AUTS2: variants seen among roughly 807,000 people sequenced by gnomAD.
The protein encoded by AUTS2 is activator of transcription and developmental regulator AUTS2.
A neutral mutation model predicts 112.4 loss-of-function variants in AUTS2; 17 were observed. The ratio of observed to expected loss-of-function variants is 0.15; its 90% confidence interval spans 0.10 to 0.23. The LOEUF (loss-of-function observed/expected upper bound fraction) is 0.23, where lower values mean the gene tolerates loss of function less well. AUTS2 is among the 10% of genes least tolerant of loss of function. AUTS2 has a pLI of 1.00. For missense variants in AUTS2, 1,510 were observed against 1,701.6 expected, an observed-to-expected ratio of 0.89 and a Z score of 1.98; for synonymous variants, 751 against 702.7, an observed-to-expected ratio of 1.07 and a Z score of -1.09.
chr7:70,208,380 TG>T (rs1417322193), intron 4 of AUTS2, among the ~76,000 whole-genome samples: 1 of 152,164 alleles, frequency 6.6e-6, no homozygotes, highest in African/African-American at 2.4e-5. Flanking sequence ...CTGAAAATTA[TG>T]GGATAGTCTT....
intron 4 of AUTS2, among the ~76,000 whole-genome samples, chr7:70,294,820 G>A (rs150435133): frequency 6.6e-4 from 100 of 152,258 alleles, no homozygotes; most frequent in Non-Finnish European, 9.1e-4. Context: ...TCCCTTCTCC[G>A]TTAAATAGGA....
At chr7:70,779,442 A>G (rs1790920832) in intron 14 of AUTS2, among the ~76,000 whole-genome samples, 1 of 152,190 alleles carries the variant, frequency 6.6e-6, no homozygotes, top group Admixed American at 6.5e-5. Flanking sequence ...TTGTGTGTAA[A>G]AAGTGAGGAA....
intron 1 of AUTS2, among the ~76,000 whole-genome samples, chr7:69,861,485 C>T (rs1342471415): frequency 2.6e-5 from 4 of 152,014 alleles, no homozygotes; most frequent in Admixed American, 2.0e-4. Context: ...AGCAGTGCCC[C>T]ACTGCTTTTG....
At chr7:69,602,040 ATGTGTGTGTGTGTGTGTGTG>A (rs6150156) in intron 1 of AUTS2, among the ~76,000 whole-genome samples, 150 of 46,258 alleles carry the variant, frequency 3.2e-3, no homozygotes, top group African/African-American at 4.5e-3. Context: ...ATATATATAT[ATGTGTGTGTGTGTGTGTGTG>A]TGTGTGTGTG....
intron 1 of AUTS2, among the ~76,000 whole-genome samples, chr7:69,768,265 T>C (rs1482058460): frequency 6.6e-6 from 1 of 152,240 alleles, no homozygotes; most frequent in Non-Finnish European, 1.5e-5. Context: ...AATTGAATTC[T>C]TTCAAATGAG....
At chr7:70,724,121 G>C (rs747800948) in intron 6 of AUTS2, among the ~76,000 whole-genome samples, 15 of 152,122 alleles carry the variant, frequency 9.9e-5, no homozygotes, top group Admixed American at 2.0e-4. Flanking sequence ...CAAACTCCTA[G>C]CCTCAGGTGA....
chr7:70,537,541 C>G (rs970705063), intron 5 of AUTS2, among the ~76,000 whole-genome samples: 1 of 152,196 alleles, frequency 6.6e-6, no homozygotes, highest in African/African-American at 2.4e-5. Context: ...CAGCAAGCAG[C>G]TCTCTCCATT....
intron 5 of AUTS2, among the ~76,000 whole-genome samples, chr7:70,495,699 A>G (rs1798438144): frequency 1.1e-5 from 1 of 90,638 alleles, no homozygotes; most frequent in Non-Finnish European, 2.3e-5. Context: ...GTACACAGTC[A>G]CACACACACA....
At chr7:70,116,627 A>C (rs1805370444) in intron 2 of AUTS2, among the ~76,000 whole-genome samples, 1 of 152,062 alleles carries the variant, frequency 6.6e-6, no homozygotes, top group Non-Finnish European at 1.5e-5. Context: ...CCCCAAAGGA[A>C]CTCTGTTTCA....
chr7:70,020,662 TTTC>T (rs1157960387), intron 2 of AUTS2, among the ~76,000 whole-genome samples: 2 of 151,976 alleles, frequency 1.3e-5, no homozygotes, highest in Non-Finnish European at 1.5e-5. Context: ...TAGGACCTTT[TTTC>T]TTCTTTCTTT....
intron 5 of AUTS2, among the ~76,000 whole-genome samples, chr7:70,585,310 G>T (rs144067734): frequency 3.9e-5 from 6 of 152,212 alleles, no homozygotes; most frequent in Non-Finnish European, 7.4e-5. Context: ...GGCTTTCTGC[G>T]GGGCTGCTGG....
chr7:70,119,973 T>C (rs1208993696), intron 3 of AUTS2: 1 of 152,210 alleles, frequency 6.6e-6, no homozygotes, highest in African/African-American at 2.4e-5. Context: ...TTACTAGTAT[T>C]CAGTTTAACG....
intron 1 of AUTS2, among the ~76,000 whole-genome samples, chr7:69,651,486 T>C (rs891323283): frequency 6.6e-6 from 1 of 152,232 alleles, no homozygotes; most frequent in Non-Finnish European, 1.5e-5. Flanking sequence ...TGGACGCACT[T>C]GTTAAATGAG....
intron 3 of AUTS2, among the ~76,000 whole-genome samples, chr7:70,129,784 T>G (rs1397161831): frequency 6.6e-6 from 1 of 152,124 alleles, no homozygotes; most frequent in Admixed American, 6.5e-5. Flanking sequence ...ATAATTGGTG[T>G]TGGAAGTGAC....
In AUTS2 at chr7:70,152,429, AT is replaced by A. The variant is rs60128442; in HGVS notation, c.660+17869del. 7.6e-3 allele frequency among the ~76,000 whole-genome samples: 1,116 copies of A among 147,646 alleles called. 10 individuals are homozygous for A. The highest frequency in any genetic ancestry group is 0.02 in the South Asian group (94 of 4,682). ...GCAGAGGAACAAAGACTGACAGCAG[AT>A]TTTTTTTTTTCTGGAAAAAAAAAAT... On this transcript the variant is annotated intron_variant, in intron 4 of 18. Coordinates refer to ENST00000342771, the MANE Select transcript of AUTS2 (RefSeq NM_015570.4).
intron 5 of AUTS2, among the ~76,000 whole-genome samples, chr7:70,614,686 C>T (rs761911650): frequency 2.6e-5 from 4 of 152,198 alleles, no homozygotes; most frequent in African/African-American, 7.2e-5. Flanking sequence ...TCTGGCGCAT[C>T]AGGGCCTATT....
At chr7:70,179,974 T>C (rs1312285088) in intron 4 of AUTS2, among the ~76,000 whole-genome samples, 1 of 152,158 alleles carries the variant, frequency 6.6e-6, no homozygotes, top group African/African-American at 2.4e-5. Flanking sequence ...CCAGAATAAA[T>C]GATGCTGCTA....
Position 69,845,185 on chromosome 7 carries a change from A to G in AUTS2, c.310-54101A>G, listed in dbSNP as rs1005000754. 4.6e-5 allele frequency among the ~76,000 whole-genome samples: 7 copies of G among 152,318 alleles called. No homozygotes were observed. In the East Asian group the frequency reaches 1.3e-3, roughly 29 times the overall value. On this transcript the variant is annotated intron_variant, in intron 1 of 18. Coordinates refer to ENST00000342771, the MANE Select transcript of AUTS2 (RefSeq NM_015570.4). Reference sequence around the variant, plus strand: ...AGAATAATTTCTTCATGGCATCTAAAACAAGAAGATGGGATGCCAGGAGCA... The same window carrying G: ...AGAATAATTTCTTCATGGCATCTAAGACAAGAAGATGGGATGCCAGGAGCA...
rs1791779188 is a variant in AUTS2, at chr7:70,789,946, G to A, written c.2730G>A (p.Lys910=). ...AGGACCTGGCCGCCGACGAGCACAA[G>A]GCGAAAGAGGGCCACCTGCCCGAGA... The part of the protein sequence containing the change: ...SRKDLAADEH[K]AKEGHLPEKD... The change falls in exon 19 of 19, where the codon AAG becomes AAA. Residue 910 remains lysine (K), a synonymous_variant. Coordinates refer to ENST00000342771, the MANE Select transcript of AUTS2 (RefSeq NM_015570.4). 1.9e-6 allele frequency: 3 copies of A among 1,613,718 alleles called. No homozygotes were observed. In the African/African-American group the frequency reaches 4.0e-5, roughly 22 times the overall value.
Sources: gnomAD v4.1 joint callset for allele counts (sites outside exome capture counted in the v4.1 genomes callset) on GRCh38, gnomAD v4.1.1 for gene constraint, MANE v1.5 for transcripts, NCBI Gene and HGNC (gene_info 2026-07-23, HGNC 2026-07-21) for gene names.